The following SH3GL3 variants were observed in gnomAD, a reference collection of about 807,000 sequenced individuals.
SH3GL3 encodes the protein SH3 domain containing GRB2 like 3, endophilin A3.
Under a neutral mutation model 47.7 loss-of-function variants are expected in SH3GL3, and 33 were observed. The ratio of observed to expected loss-of-function variants is 0.69; its 90% CI spans 0.52 to 0.92. The LOEUF (loss-of-function observed/expected upper bound fraction) is 0.92. SH3GL3 is among the 40% of genes least tolerant of loss of function. The pLI, the probability that SH3GL3 is intolerant of heterozygous loss-of-function variation, is 0.00. For missense variants in SH3GL3, 363 were observed against 417.8 expected (o/e 0.87, Z 1.14); for synonymous variants, 155 against 148.8 (o/e 1.04, Z -0.30).
At chr15:83,465,568 A>G (rs1298739864) in intron 1 of SH3GL3, among the ~76,000 whole-genome samples, 2 of 151,650 alleles carry the variant, frequency 1.3e-5, no homozygotes, top group Admixed American at 1.3e-4. Flanking sequence ...CCCTTAGCCT[A>G]GCATGCTTTT....
intron 5 of SH3GL3, among the ~76,000 whole-genome samples, chr15:83,574,740 C>T (rs1214873346): frequency 6.6e-6 from 1 of 152,184 alleles, no homozygotes; most frequent in Non-Finnish European, 1.5e-5. Flanking sequence ...GAACTCTGCC[C>T]AGCCTCACTG....
chr15:83,518,731 C>G (rs185109630), intron 1 of SH3GL3, among the ~76,000 whole-genome samples: 1 of 152,272 alleles, frequency 6.6e-6, no homozygotes, highest in African/African-American at 2.4e-5. Flanking sequence ...TGTGCAGAAG[C>G]TCTTTAGTTT....
At chr15:83,557,076 G>A (rs2044999848) in intron 1 of SH3GL3, among the ~76,000 whole-genome samples, 1 of 152,172 alleles carries the variant, frequency 6.6e-6, no homozygotes, top group Non-Finnish European at 1.5e-5. Flanking sequence ...TCTTCTATTG[G>A]CCAAAGCAAG....
chr15:83,473,671 C>T (rs2040949141), intron 1 of SH3GL3, among the ~76,000 whole-genome samples: 1 of 151,790 alleles, frequency 6.6e-6, no homozygotes, highest in Non-Finnish European at 1.5e-5. Context: ...CCTCAGCCTC[C>T]CGAGTAGCTG....
chr15:83,460,454 A>G (rs2040236907), intron 1 of SH3GL3, among the ~76,000 whole-genome samples: 1 of 152,142 alleles, frequency 6.6e-6, no homozygotes, highest in South Asian at 2.1e-4. Flanking sequence ...GAATTCAAAT[A>G]CTGTTTCATC....
chr15:83,593,766 A>G (rs1013361209), intron 8 of SH3GL3, among the ~76,000 whole-genome samples: 1 of 152,174 alleles, frequency 6.6e-6, no homozygotes, highest in African/African-American at 2.4e-5. Flanking sequence ...TTAGGGGAGA[A>G]GCATTCAATA....
At chr15:83,536,405 CTT>C (rs386383625) in intron 1 of SH3GL3, among the ~76,000 whole-genome samples, 4 of 113,670 alleles carry the variant, frequency 3.5e-5, no homozygotes, top group Non-Finnish European at 6.2e-5. Flanking sequence ...CTTTTCTTTT[CTT>C]TTTTTTTTTT....
intron 1 of SH3GL3, among the ~76,000 whole-genome samples, chr15:83,464,869 A>T (rs545771172): frequency 1.4e-4 from 21 of 152,138 alleles, no homozygotes; most frequent in Non-Finnish European, 2.5e-4. Flanking sequence ...GTTTTAAAAA[A>T]TGTATCTCGG....
At chr15:83,516,796 A>C (rs960189252) in intron 1 of SH3GL3, among the ~76,000 whole-genome samples, 10 of 152,146 alleles carry the variant, frequency 6.6e-5, no homozygotes, top group African/African-American at 2.4e-4. Context: ...CAAATATCCA[A>C]ACTGTATCAG....
At chr15:83,554,536 C>T (rs941360467) in intron 1 of SH3GL3, among the ~76,000 whole-genome samples, 8 of 151,986 alleles carry the variant, frequency 5.3e-5, no homozygotes, top group South Asian at 2.1e-4. Context: ...ATTTTTATTG[C>T]GCCACCACAC....
chr15:83,478,229 G>A (rs2041187401), intron 1 of SH3GL3, among the ~76,000 whole-genome samples: 1 of 152,122 alleles, frequency 6.6e-6, no homozygotes, highest in Admixed American at 6.5e-5. Flanking sequence ...CTCTGAGCAG[G>A]TAGAAGGTGT....
At chr15:83,467,953 G>A (rs553930753) in intron 1 of SH3GL3, among the ~76,000 whole-genome samples, 4 of 152,082 alleles carry the variant, frequency 2.6e-5, no homozygotes, top group Non-Finnish European at 4.4e-5. Flanking sequence ...TCAGCCTCCC[G>A]AGTAGCTGGG....
At chr15:83,627,914 A>G in the SH3GL3 span, among the ~76,000 whole-genome samples, 1 of 152,206 alleles carries the variant, frequency 6.6e-6, no homozygotes, top group Admixed American at 6.5e-5. Flanking sequence ...GAGCTGTAAA[A>G]TGTTAAGTTA....
chr15:83,523,690 T>C (rs777578344), intron 1 of SH3GL3, among the ~76,000 whole-genome samples: 1 of 152,222 alleles, frequency 6.6e-6, no homozygotes, highest in East Asian at 1.9e-4. Flanking sequence ...GTATCCAACA[T>C]AGCCTAAACT....
At chr15:83,560,921 A>G (rs949321931) in intron 2 of SH3GL3, among the ~76,000 whole-genome samples, 2 of 152,178 alleles carry the variant, frequency 1.3e-5, no homozygotes, top group African/African-American at 4.8e-5. Context: ...GATACAGTCA[A>G]TGTAGTCTAT....
intron 1 of SH3GL3, among the ~76,000 whole-genome samples, chr15:83,463,358 T>C (rs141516448): frequency 8.9e-4 from 136 of 152,254 alleles, no homozygotes; most frequent in African/African-American, 3.2e-3. Context: ...CTGGAAAAAA[T>C]GAACTCTTTC....
At chr15:83,457,148 A>G (rs1236703174) in intron 1 of SH3GL3, among the ~76,000 whole-genome samples, 1 of 152,150 alleles carries the variant, frequency 6.6e-6, no homozygotes, top group Non-Finnish European at 1.5e-5. Context: ...CTGACCTGGA[A>G]AGTACTAATA....
chr15:83,611,853 C>T (rs900084289), intron 8 of SH3GL3, among the ~76,000 whole-genome samples: 7 of 152,158 alleles, frequency 4.6e-5, no homozygotes, highest in African/African-American at 1.7e-4. Context: ...GACTTTGGGG[C>T]TCCATCCATG....
chr15:83,586,373 C>CA (rs1217390888), intron 6 of SH3GL3, among the ~76,000 whole-genome samples: 2 of 152,086 alleles, frequency 1.3e-5, no homozygotes, highest in Admixed American at 1.3e-4. Flanking sequence ...TTGTGGGAAA[C>CA]AGAGATGCCA....
Sources: gnomAD v4.1 joint callset for allele counts (sites outside exome capture counted in the v4.1 genomes callset) on GRCh38, gnomAD v4.1.1 for gene constraint, MANE v1.5 for transcripts, NCBI Gene and HGNC (gene_info 2026-07-23, HGNC 2026-07-21) for gene names.